Variants in TRIM66 observed in about 807,000 individuals in gnomAD.
TRIM66 encodes the protein tripartite motif-containing protein 66.
Under a neutral mutation model 148.2 loss-of-function variants are expected in TRIM66, and 99 were observed. The observed-to-expected ratio is 0.67, with a 90% confidence interval of 0.57 to 0.79. The LOEUF is 0.79. TRIM66 is among the 30% of genes least tolerant of loss of function. The probability of loss-of-function intolerance (pLI) is 0.00; values close to 1 mark genes in which losing one functional copy is unlikely to be tolerated. For missense variants in TRIM66, 1,666 were observed against 1,697.9 expected, an observed-to-expected ratio of 0.98 and a Z score of 0.33; for synonymous variants, 616 against 635.9, an observed-to-expected ratio of 0.97 and a Z score of 0.47.
At chr11:8,655,624 A>C (rs957253089) in intron 6 of TRIM66, among the ~76,000 whole-genome samples, 4 of 151,974 alleles carry the variant, frequency 2.6e-5, no homozygotes, top group South Asian at 2.1e-4. Context: ...ATCTACTAAA[A>C]ATACAAAAAT....
chr11:8,636,667 C>T (rs2035909553), intron 15 of TRIM66, among the ~76,000 whole-genome samples: 2 of 152,134 alleles, frequency 1.3e-5, no homozygotes, highest in South Asian at 4.1e-4. Flanking sequence ...CTCTTGAAAT[C>T]TTTGCTTCCT....
intron 7 of TRIM66, among the ~76,000 whole-genome samples, chr11:8,650,316 T>C (rs2037245098): frequency 6.6e-6 from 1 of 151,854 alleles, no homozygotes; most frequent in Admixed American, 6.6e-5. Context: ...AAGGCTGCAG[T>C]GAGCCAAGAT....
chr11:8,624,222 A>G, intron 17 of TRIM66, 137 bp downstream of exon 17: 1 of 970,246 alleles, frequency 1.0e-6, no homozygotes, highest in Non-Finnish European at 1.5e-6. Context: ...TCCGGAGGAG[A>G]GAAGTAAATT....
intron 6 of TRIM66, among the ~76,000 whole-genome samples, chr11:8,652,903 C>T (rs4258378): frequency 0.99 from 151,327 of 152,356 alleles, 75,161 homozygotes; most frequent in Middle Eastern, 1. Flanking sequence ...AATACCAGGC[C>T]TACCAGCCAA....
At chr11:8,675,629 G>A (rs184041013) in intron 3 of TRIM66, among the ~76,000 whole-genome samples, 3 of 152,120 alleles carry the variant, frequency 2.0e-5, no homozygotes, top group Non-Finnish European at 4.4e-5. Context: ...TGATCCACCT[G>A]CCTTGGCCTC....
At chr11:8,645,441 C>G (rs532755427) in intron 12 of TRIM66, among the ~76,000 whole-genome samples, 2 of 152,316 alleles carry the variant, frequency 1.3e-5, no homozygotes, top group East Asian at 3.9e-4. Flanking sequence ...AGGGTAATGT[C>G]TGAATCAATT....
chr11:8,635,056 G>T (rs1436919638), intron 15 of TRIM66, among the ~76,000 whole-genome samples: 2 of 152,212 alleles, frequency 1.3e-5, no homozygotes, highest in African/African-American at 4.8e-5. Flanking sequence ...CTACTTCAAG[G>T]ATTGTAAAGA....
intron 9 of TRIM66, 137 bp downstream of exon 9, chr11:8,648,279 G>C: frequency 7.3e-7 from 1 of 1,376,936 alleles, no homozygotes; most frequent in Non-Finnish European, 9.8e-7. Context: ...AACAGGAGCA[G>C]AGAAAAACTT....
At chr11:8,634,672 T>G (rs1281636079) in intron 15 of TRIM66, among the ~76,000 whole-genome samples, 2 of 152,154 alleles carry the variant, frequency 1.3e-5, no homozygotes, top group Non-Finnish European at 2.9e-5. Flanking sequence ...AATACCAAAA[T>G]TCATTCAAAA....
chr11:8,621,381 G>A, intron 19 of TRIM66, 60 bp from the exon 20 acceptor site: 1 of 1,495,000 alleles, frequency 6.7e-7, no homozygotes, highest in African/African-American at 1.4e-5. Flanking sequence ...CTCGAGGGAG[G>A]GGAGGGAGAG....
chr11:8,677,612 T>C (rs909415126), intron 3 of TRIM66, among the ~76,000 whole-genome samples: 1 of 151,534 alleles, frequency 6.6e-6, no homozygotes, highest in Non-Finnish European at 1.5e-5. Flanking sequence ...ACCTTATCTT[T>C]AAAAACAACA....
rs765075260 is a variant in TRIM66 at position 8,616,928 on chromosome 11, G to A, written c.*1016C>T. ...ATGAACTTGGAGAGGTTGAGAACTA[G>A]AATCTTTAAGCAGGAGGAGAGGCCC... On this transcript the variant is annotated 3_prime_UTR_variant, in exon 25 of 25. Transcript: ENST00000646038. 1 of 152,360 alleles carries A rather than the reference G, an allele frequency of 6.6e-6. No homozygotes were observed. Among genetic ancestry groups the A allele is most frequent in the South Asian group, 2.1e-4 (1 of 4,824 alleles). The allele number at this position is 152,360 out of a possible 1,614,324, so 9.4% of individuals were successfully genotyped here.
At chr11:8,622,346 A>G (rs1328511956) in intron 18 of TRIM66, among the ~76,000 whole-genome samples, 1 of 39,312 alleles carries the variant, frequency 2.5e-5, no homozygotes, top group East Asian at 5.0e-4. Context: ...CACAACACAC[A>G]CACACACACA....
chr11:8,671,964 G>A lies in TRIM66; in HGVS notation c.162C>T (p.His54=). The A allele has an allele frequency of 6.5e-7, 1 of 1,536,164 alleles. No homozygotes were observed. Among genetic ancestry groups the A allele is most frequent in the Non-Finnish European group, 8.7e-7 (1 of 1,146,918 alleles). Residue 54 remains histidine (H), a synonymous_variant, in exon 6 of 25, where the codon CAC becomes CAT. Transcript: ENST00000646038. ...CCTCCATCTGTCCACTCTTAGGGCA[G>A]TGTTTCTGGCCAGCTAGTGGCAGCC... ...FMGLPLAGQK[H]CPKSGQMEAM... is the part of the protein sequence containing the mutation.
At chr11:8,661,988 C>T (rs1019183088) in intron 6 of TRIM66, among the ~76,000 whole-genome samples, 1 of 152,202 alleles carries the variant, frequency 6.6e-6, no homozygotes, top group Non-Finnish European at 1.5e-5. Context: ...GAATTGCTCT[C>T]CCAGTAATGG....
At chr11:8,620,999 G>A in intron 20 of TRIM66, 33 bp downstream of exon 20, 14 of 1,540,844 alleles carry the variant, frequency 9.1e-6, no homozygotes, top group Non-Finnish European at 1.1e-5. Flanking sequence ...AACCCTACTA[G>A]CCAGGTGATG....
chr11:8,672,215 C>T (rs191948394), intron 5 of TRIM66, 33 bp downstream of exon 5: 1 of 1,536,012 alleles, frequency 6.5e-7, no homozygotes, highest in Non-Finnish European at 8.7e-7. Context: ...CTCTCCAGAG[C>T]TGGAGGCTCA....
In TRIM66 at chr11:8,658,738, G is replaced by A. The variant is rs773760896; in HGVS notation, c.341-6835C>T. 98 of 983,186 alleles carry A rather than the reference G, an allele frequency of 1.0e-4. 1 individual carries two copies. Among genetic ancestry groups the A allele is most frequent in the Non-Finnish European group, 1.2e-4 (96 of 827,996 alleles). 60.9% of individuals were successfully genotyped at this position (983,186 alleles called of 1,614,324 possible). A position where few individuals can be genotyped will look rare whatever the true frequency, so the allele number is the denominator to read the frequency against. ...CAGATGCCAGGCACACACTCTCACC[G>A]CATCATTTTAAAAAACAGCAGGAGC... On this transcript the variant is annotated intron_variant, in intron 6 of 24. Coordinates refer to ENST00000646038, the MANE Select transcript of TRIM66 (RefSeq NM_001388022.1).
chr11:8,618,975 G>C lies in TRIM66; in HGVS notation c.3901-7C>G, dbSNP rs755245183. 33 of 1,550,776 alleles carry C rather than the reference G, an allele frequency of 2.1e-5. No individual in the cohort carries two copies. Among genetic ancestry groups the C allele is most frequent in the South Asian group, 7.1e-5 (6 of 84,008 alleles). ...CTGCAACCTCGGAGTCAGGCTGATG[G>C]GGGAGGAGAGCAGTGATGGTCTAGC... On this transcript the variant is annotated splice_polypyrimidine_tract_variant and splice_region_variant and intron_variant, in intron 23 of 24. Coordinates refer to ENST00000646038, the MANE Select transcript of TRIM66 (RefSeq NM_001388022.1).
Sources: allele counts gnomAD v4.1 joint callset (sites outside exome capture counted in the v4.1 genomes callset), GRCh38; gene constraint gnomAD v4.1.1; transcripts MANE v1.5; gene names NCBI Gene and HGNC (gene_info 2026-07-23, HGNC 2026-07-21).